Variants in MIPEP observed in about 807,000 individuals in gnomAD.
The protein encoded by MIPEP is mitochondrial intermediate peptidase.
A neutral mutation model predicts 90.3 loss-of-function variants in MIPEP; 79 were observed. The observed-to-expected ratio is 0.87, with a 90% CI of 0.73 to 1.05. The LOEUF (loss-of-function observed/expected upper bound fraction) is 1.05, where lower values mean the gene tolerates loss of function less well. Among genes scored for constraint, MIPEP ranks in the 50% least tolerant of loss-of-function variants. MIPEP has a pLI of 0.00. For synonymous variants in MIPEP, 334 were observed against 315.8 expected, an observed-to-expected ratio of 1.06 and a Z score of -0.61; for missense variants, 940 against 905.6, an observed-to-expected ratio of 1.04 and a Z score of -0.49.
At chr13:23,764,895 A>G (rs1325111240) in intron 16 of MIPEP, among the ~76,000 whole-genome samples, 1 of 152,238 alleles carries the variant, frequency 6.6e-6, no homozygotes, top group African/African-American at 2.4e-5. Flanking sequence ...CTTCATGTCC[A>G]GCTATAAATG....
intron 18 of MIPEP, among the ~76,000 whole-genome samples, chr13:23,744,076 C>A (rs1032350885): frequency 2.6e-5 from 4 of 152,214 alleles, no homozygotes; most frequent in Non-Finnish European, 4.4e-5. Context: ...CTACGCTGTG[C>A]AAGAAAAGCA....
intron 18 of MIPEP, among the ~76,000 whole-genome samples, chr13:23,751,195 C>A (rs1288496653): frequency 6.6e-6 from 1 of 152,100 alleles, no homozygotes; most frequent in Non-Finnish European, 1.5e-5. Context: ...GGAGTATAAA[C>A]CATAATTCTC....
chr13:23,827,690 CA>C (rs1868529128), intron 14 of MIPEP, among the ~76,000 whole-genome samples: 1 of 152,084 alleles, frequency 6.6e-6, no homozygotes, highest in African/African-American at 2.4e-5. Context: ...AGTAAACTAG[CA>C]AACTATGAGG....
Position 23,855,898 on chromosome 13 carries a change from C to G in MIPEP, c.1106+2962G>C, listed in dbSNP as rs112049926. On this transcript the variant is annotated intron_variant, in intron 10 of 18. Coordinates refer to ENST00000382172, the MANE Select transcript of MIPEP (RefSeq NM_005932.4). ...ATACCTGGTGATTTCAAGGACTTAG[C>G]AAGCAGGTGGAAGACTCCATCAACC... is the stretch of plus-strand genomic sequence containing the variant. Among the ~76,000 whole-genome samples, 920 of 152,290 alleles carry G rather than the reference C, an allele frequency of 6.0e-3. 6 individuals carry two copies. Among genetic ancestry groups the G allele is most frequent in the African/African-American group, 0.021 (886 of 41,562 alleles).
intron 2 of MIPEP, among the ~76,000 whole-genome samples, chr13:23,885,479 C>T (rs1053418433): frequency 3.3e-5 from 5 of 151,976 alleles, no homozygotes; most frequent in African/African-American, 1.2e-4. Flanking sequence ...AGGATAAATG[C>T]TTGAGGGGAT....
intron 2 of MIPEP, among the ~76,000 whole-genome samples, chr13:23,883,657 T>G (rs1272548232): frequency 2.6e-5 from 4 of 152,222 alleles, no homozygotes; most frequent in Non-Finnish European, 4.4e-5. Flanking sequence ...TCTGTACATG[T>G]TCAGTATGAA....
At chr13:23,747,361 C>A (rs1326359435) in intron 18 of MIPEP, among the ~76,000 whole-genome samples, 2 of 152,158 alleles carry the variant, frequency 1.3e-5, no homozygotes, top group Non-Finnish European at 1.5e-5. Context: ...AGGTGCTTGA[C>A]TCTGGCCAGT....
At chr13:23,799,036 C>T (rs1270607554) in intron 16 of MIPEP, among the ~76,000 whole-genome samples, 1 of 105,496 alleles carries the variant, frequency 9.5e-6, no homozygotes, top group African/African-American at 3.7e-5. Flanking sequence ...CAGAGTCTTG[C>T]TCTGTCGCCC....
chr13:23,733,034 G>A (rs935067521), intron 18 of MIPEP, among the ~76,000 whole-genome samples: 31 of 152,136 alleles, frequency 2.0e-4, no homozygotes, highest in African/African-American at 7.2e-4. Flanking sequence ...GGCCAGATAC[G>A]GAGATGAAGA....
chr13:23,852,427 C>T (rs1272631964), intron 10 of MIPEP, among the ~76,000 whole-genome samples: 2 of 152,096 alleles, frequency 1.3e-5, no homozygotes, highest in African/African-American at 4.8e-5. Context: ...AATCACAAGC[C>T]AGGTAACAAC....
At chr13:23,881,871 T>G in intron 2 of MIPEP, 84 bp from the exon 3 acceptor site, 1 of 1,070,556 alleles carries the variant, frequency 9.3e-7, no homozygotes, top group Non-Finnish European at 1.4e-6. Context: ...GAAAACTGGG[T>G]TTTAAGATGT....
chr13:23,854,688 C>G (rs1869971839), intron 10 of MIPEP, among the ~76,000 whole-genome samples: 1 of 151,948 alleles, frequency 6.6e-6, no homozygotes, highest in Admixed American at 6.6e-5. Flanking sequence ...GGCTAGGAAT[C>G]TGAGATCAGC....
chr13:23,777,896 A>G (rs1952735644), intron 16 of MIPEP, among the ~76,000 whole-genome samples: 1 of 152,212 alleles, frequency 6.6e-6, no homozygotes, highest in East Asian at 1.9e-4. Flanking sequence ...TTTAAATTCA[A>G]TCAGGACAGA....
intron 15 of MIPEP, among the ~76,000 whole-genome samples, chr13:23,809,491 T>C: frequency 6.6e-6 from 1 of 152,074 alleles, no homozygotes; most frequent in Non-Finnish European, 1.5e-5. Flanking sequence ...ATTATAAGCA[T>C]GCACCACCAT....
intron 14 of MIPEP, among the ~76,000 whole-genome samples, chr13:23,830,116 A>C (rs1445489384): frequency 1.3e-5 from 2 of 152,318 alleles, no homozygotes; most frequent in East Asian, 1.9e-4. Context: ...ATACAGAAGA[A>C]AGTATAAAAA....
chr13:23,882,373 T>A (rs1419749115), intron 2 of MIPEP, among the ~76,000 whole-genome samples: 9 of 152,018 alleles, frequency 5.9e-5, no homozygotes, highest in Non-Finnish European at 4.4e-5. Context: ...AACTGACACA[T>A]AGTATAGTTT....
In MIPEP at chr13:23,862,318, A is replaced by C. The variant is rs770388174; in HGVS notation, c.1037T>G (p.Leu346Arg). The C allele has an allele frequency of 5.1e-6, 8 of 1,576,574 alleles. No individual in the cohort carries two copies. The highest frequency in any genetic ancestry group is 6.9e-6 in the Non-Finnish European group (8 of 1,152,490). ...CATACTTACGGAATTTTGAGGATTC[A>C]GTTTCATTTTCATCCCTCGTATCAT... ...FEMIRGMKMK[L>R]NPQNSEVMPW... Residue 346 changes from leucine (L) to arginine (R), a missense_variant, in exon 9 of 19, where the codon CTG (leucine) becomes CGG (arginine). Physicochemically the swap from Leu to Arg is moderately radical, Grantham distance 102 (BLOSUM62 -2). Coordinates refer to ENST00000382172, the MANE Select transcript of MIPEP (RefSeq NM_005932.4).
intron 10 of MIPEP, among the ~76,000 whole-genome samples, chr13:23,851,141 G>C (rs920202317): frequency 3.3e-5 from 5 of 152,230 alleles, no homozygotes; most frequent in Non-Finnish European, 5.9e-5. Flanking sequence ...GACACGACTG[G>C]CCCAGAACTG....
At chr13:23,881,832 G>A (rs1311544931) in intron 2 of MIPEP, 45 bp from the exon 3 acceptor site, 3 of 1,466,064 alleles carry the variant, frequency 2.0e-6, no homozygotes, top group African/African-American at 2.8e-5. Flanking sequence ...TTGATGAGAA[G>A]CTTTCTTCCA....
Sources: allele counts gnomAD v4.1 joint callset (sites outside exome capture counted in the v4.1 genomes callset), GRCh38; gene constraint gnomAD v4.1.1; transcripts MANE v1.5; gene names NCBI Gene and HGNC (gene_info 2026-07-23, HGNC 2026-07-21).